SEC61A2: variants seen among roughly 807,000 people sequenced by gnomAD.
The protein encoded by SEC61A2 is SEC61 translocon subunit alpha 2.
SEC61A2 carries 28 observed loss-of-function variants against 59.9 expected under a neutral mutation model. That is an observed-to-expected ratio of 0.47 (90% CI 0.35 to 0.64). SEC61A2 has a LOEUF of 0.64. Ranked by LOEUF, SEC61A2 falls within the 30% of genes least tolerant of loss-of-function variation. The pLI is 0.01. For missense variants in SEC61A2, 340 were observed against 585.9 expected (o/e 0.58, Z 4.33); for synonymous variants, 202 against 214.4 (o/e 0.94, Z 0.50).
intron 1 of SEC61A2, among the ~76,000 whole-genome samples, chr10:12,130,436 G>C (rs927739150): frequency 2.0e-5 from 3 of 152,164 alleles, no homozygotes; most frequent in African/African-American, 7.2e-5. Context: ...TGGATGATGG[G>C]TCGTGCATAC....
intron 3 of SEC61A2, among the ~76,000 whole-genome samples, chr10:12,138,880 C>T (rs1284307318): frequency 6.6e-6 from 1 of 152,174 alleles, no homozygotes; most frequent in Non-Finnish European, 1.5e-5. Flanking sequence ...AGAAGTACAG[C>T]TGTTGGGTTT....
rs1166426961 is a variant in SEC61A2 at position 12,160,229 on chromosome 10, G to A, written c.976-701G>A. ...TGAATGAGAGAATGATTGGGAGATA[G>A]TGCTTTTGATCTGGGATTAATGATT... is the stretch of plus-strand genomic sequence containing the variant. On this transcript the variant is annotated intron_variant, in intron 9 of 11. Transcript: ENST00000298428. This position sits in a 1 kb window ranked among gnomAD's most constrained non-coding sequence, Gnocchi z 4.1. Among the ~76,000 whole-genome samples, 1 of 152,190 alleles carries A rather than the reference G, an allele frequency of 6.6e-6. No individual in the cohort carries two copies. Among genetic ancestry groups the A allele is most frequent in the Non-Finnish European group, 1.5e-5 (1 of 68,028 alleles).
Position 12,164,154 on chromosome 10 carries a change from T to TTCAGA in SEC61A2, c.1245-110_1245-109insATCAG. On this transcript the variant is annotated intron_variant, in intron 11 of 11. Coordinates refer to ENST00000298428, the MANE Select transcript of SEC61A2 (RefSeq NM_018144.4). The surrounding 1 kb of genome is among the most constrained non-coding windows in gnomAD (Gnocchi z 7.3). ...ACACTGCAGCCTGTTCCCTCTGGAG[T>TTCAGA]TCAGGGAGGCTTTAGACCCAGCTAT... 1 of 1,207,074 alleles carries TTCAGA rather than the reference T, an allele frequency of 8.3e-7. No homozygotes were observed. Among genetic ancestry groups the TTCAGA allele is most frequent in the Non-Finnish European group, 1.2e-6 (1 of 865,486 alleles). The allele number at this position is 1,207,074 out of a possible 1,614,324, so 74.8% of individuals were successfully genotyped here.
At position 12,154,369 on chromosome 10, in the gene SEC61A2, G is replaced by C. The variant is rs567306535; in HGVS notation, c.463-1409G>C. On this transcript the variant is annotated intron_variant, in intron 6 of 11. Coordinates refer to ENST00000298428, the MANE Select transcript of SEC61A2 (RefSeq NM_018144.4). This position sits in a 1 kb window ranked among gnomAD's most constrained non-coding sequence, Gnocchi z 5.2. The stretch of plus-strand genomic sequence containing the variant: ...TCTGAACAGGGGGTGTGGAGAATTA[G>C]AGTTGTTTCAGAGCTGCTGTGGGAC... Among the ~76,000 whole-genome samples, 7 of 152,300 alleles carry C rather than the reference G, an allele frequency of 4.6e-5. No homozygotes were observed. Among genetic ancestry groups the C allele is most frequent in the Non-Finnish European group, 2.9e-5 (2 of 68,030 alleles).
At chr10:12,147,816 T>C (rs1215506416) in intron 4 of SEC61A2, among the ~76,000 whole-genome samples, 1 of 152,192 alleles carries the variant, frequency 6.6e-6, no homozygotes, top group Non-Finnish European at 1.5e-5. Context: ...TTTTCTCTAC[T>C]GATTTGAAAT....
chr10:12,162,899 G>GT lies in SEC61A2; in HGVS notation c.1244+611dup, dbSNP rs1197203743. On this transcript the variant is annotated intron_variant, in intron 11 of 11. Transcript: ENST00000298428. The surrounding 1 kb of genome is among the most constrained non-coding windows in gnomAD (Gnocchi z 6.1). The stretch of plus-strand genomic sequence containing the variant: ...GGAATCATATAATGTATGTTATTTT[G>GT]TAAGTGGCTTCTTTCACTTGGCATC... Among the ~76,000 whole-genome samples, 1 of 152,086 alleles carries GT rather than the reference G, an allele frequency of 6.6e-6. No individual in the cohort carries two copies. The highest frequency in any genetic ancestry group is 1.5e-5 in the Non-Finnish European group (1 of 68,022).
In SEC61A2 at chr10:12,143,953, TC is replaced by T. The variant is rs1834082386; in HGVS notation, c.220+760del. Among the ~76,000 whole-genome samples the T allele has an allele frequency of 6.6e-6, 1 of 152,136 alleles. No individual in the cohort carries two copies. Among genetic ancestry groups the T allele is most frequent in the Admixed American group, 6.5e-5 (1 of 15,270 alleles). ...TTCAGGCGATCCTCCCACTTCAGCC[TC>T]CTGAGTAGCTGGGACTACTGGTGCG... On this transcript the variant is annotated intron_variant, in intron 4 of 11. Transcript: ENST00000298428. This position sits in a 1 kb window ranked among gnomAD's most constrained non-coding sequence, Gnocchi z 4.8.
In SEC61A2 at chr10:12,143,842, G is replaced by T. The variant is rs2131659929; in HGVS notation, c.220+647G>T. On this transcript the variant is annotated intron_variant, in intron 4 of 11. Transcript: ENST00000298428. This position sits in a 1 kb window ranked among gnomAD's most constrained non-coding sequence, Gnocchi z 4.8. ...TGGGAAATTGTGGCTGAGGATGCTGGACAGTGAGAGTAGCAAGGGGTACAA... is the reference window on the plus strand; with the variant it reads ...TGGGAAATTGTGGCTGAGGATGCTGTACAGTGAGAGTAGCAAGGGGTACAA... Among the ~76,000 whole-genome samples, 1 of 152,326 alleles carries T rather than the reference G, an allele frequency of 6.6e-6. No homozygotes were observed. The highest frequency in any genetic ancestry group is 2.1e-4 in the South Asian group (1 of 4,830).
Position 12,165,335 on chromosome 10 carries a change from A to C in SEC61A2, c.*881A>C, listed in dbSNP as rs1834643303. On this transcript the variant is annotated 3_prime_UTR_variant, in exon 12 of 12. Coordinates refer to ENST00000298428, the MANE Select transcript of SEC61A2 (RefSeq NM_018144.4). ...TCACAGCAGCAACATGAGTGTAAAC[A>C]GTAGACAATAAACTTTTATTTAAGA... 4 of 983,062 alleles carry C rather than the reference A, an allele frequency of 4.1e-6. No individual in the cohort carries two copies. The highest frequency in any genetic ancestry group is 4.8e-6 in the Non-Finnish European group (4 of 827,824). 60.9% of individuals were successfully genotyped at this position (983,062 alleles called of 1,614,324 possible). A position where few individuals can be genotyped will look rare whatever the true frequency, so the allele number is the denominator to read the frequency against.
At chr10:12,132,846 G>A (rs764406152) in intron 1 of SEC61A2, among the ~76,000 whole-genome samples, 6 of 152,076 alleles carry the variant, frequency 3.9e-5, no homozygotes, top group Admixed American at 1.3e-4. Context: ...CCCTTTTGAC[G>A]TCGTGATGCC....
intron 6 of SEC61A2, 61 bp downstream of exon 6, chr10:12,150,022 C>T: frequency 8.9e-7 from 1 of 1,126,644 alleles, no homozygotes; most frequent in African/African-American, 1.5e-5. Flanking sequence ...TTTTCCTTTT[C>T]TAACAGTTCT....
chr10:12,139,567 G>A (rs1031467544), intron 3 of SEC61A2, among the ~76,000 whole-genome samples: 4 of 151,904 alleles, frequency 2.6e-5, no homozygotes, highest in African/African-American at 4.8e-5. Flanking sequence ...GGCGGATCAC[G>A]AGGTCAGGAG....
At position 12,162,316 on chromosome 10, in the gene SEC61A2, T is replaced by C; in HGVS notation, c.1244+27T>C. On this transcript the variant is annotated intron_variant, in intron 11 of 11. Transcript: ENST00000298428. The surrounding 1 kb of genome is among the most constrained non-coding windows in gnomAD (Gnocchi z 6.1). ...TAAGGCTGCTAGACTGACACCTTTA[T>C]AGGCCTGTGTTTGTGTTTCAGTCTT... is the stretch of plus-strand genomic sequence containing the variant. 1 of 1,553,662 alleles carries C rather than the reference T, an allele frequency of 6.4e-7. No homozygotes were observed. The highest frequency in any genetic ancestry group is 8.9e-7 in the Non-Finnish European group (1 of 1,125,050).
upstream of SEC61A2, chr10:12,129,667 C>T (rs1322565146): frequency 5.0e-6 from 5 of 991,746 alleles, no homozygotes; most frequent in South Asian, 1.5e-5. This position sits in a 1 kb window ranked among gnomAD's most constrained non-coding sequence, Gnocchi z 5.6. Context: ...CGGGGTTGGG[C>T]GGAGCCTGCG....
chr10:12,138,273 G>A (rs1431099605), intron 3 of SEC61A2, among the ~76,000 whole-genome samples: 1 of 151,166 alleles, frequency 6.6e-6, no homozygotes, highest in African/African-American at 2.4e-5. Context: ...GAAGTTTAAA[G>A]AAACAAAGAA....
At chr10:12,138,643 T>C (rs998957903) in intron 3 of SEC61A2, among the ~76,000 whole-genome samples, 4 of 152,256 alleles carry the variant, frequency 2.6e-5, no homozygotes, top group Non-Finnish European at 4.4e-5. Context: ...TATTCTTTAG[T>C]GTCTAACTTC....
At chr10:12,137,861 C>G (rs895094444) in intron 3 of SEC61A2, among the ~76,000 whole-genome samples, 1 of 152,006 alleles carries the variant, frequency 6.6e-6, no homozygotes, top group Non-Finnish European at 1.5e-5. Flanking sequence ...CAAAAATTAG[C>G]CAGGCATGGT....
chr10:12,166,045 C>T (rs1229611543), downstream of SEC61A2: 1 of 152,188 alleles, frequency 6.6e-6, no homozygotes, highest in East Asian at 1.9e-4. Flanking sequence ...ACTGAATTTC[C>T]AAAGCACAAC....
Position 12,156,475 on chromosome 10 carries a change from T to C in SEC61A2, c.617-432T>C, listed in dbSNP as rs1490305593. ...GATCCCAGCCTTAAGAAAACTGTAA[T>C]GATGATTAATGTTCTTGGTGCGGTA... On this transcript the variant is annotated intron_variant, in intron 7 of 11. Coordinates refer to ENST00000298428, the MANE Select transcript of SEC61A2 (RefSeq NM_018144.4). The surrounding 1 kb of genome is among the most constrained non-coding windows in gnomAD (Gnocchi z 5.2). 1.3e-5 allele frequency among the ~76,000 whole-genome samples: 2 copies of C among 152,178 alleles called. No homozygotes were observed. Among genetic ancestry groups the C allele is most frequent in the East Asian group, 1.9e-4 (1 of 5,196 alleles).
Sources: gnomAD v4.1 joint callset for allele counts (sites outside exome capture counted in the v4.1 genomes callset) on GRCh38, gnomAD v4.1.1 for gene constraint, Gnocchi (gnomAD v3.1) non-coding constraint, MANE v1.5 for transcripts, NCBI Gene and HGNC (gene_info 2026-07-23, HGNC 2026-07-21) for gene names.